ZNF174: variants seen among roughly 807,000 people sequenced by gnomAD.
The protein encoded by ZNF174 is zinc finger protein 174, also known as AW-1.
In ZNF174, 30 loss-of-function variants were observed where a neutral mutation model predicts 38.7. That is an observed-to-expected ratio of 0.78 (90% CI 0.58 to 1.05). ZNF174 has a LOEUF of 1.05. Among genes scored for constraint, ZNF174 ranks in the 50% least tolerant of loss-of-function variants. The pLI, the probability that ZNF174 is intolerant of heterozygous loss-of-function variation, is 0.00. For missense variants in ZNF174, 499 were observed against 495.6 expected (o/e 1.01, Z -0.06); for synonymous variants, 201 against 181.7 (o/e 1.11, Z -0.86).
chr16:3,405,387 GCTAGGAAGT>G (rs1171007668), intron 2 of ZNF174, among the ~76,000 whole-genome samples: 1 of 152,144 alleles, frequency 6.6e-6, no homozygotes, highest in Non-Finnish European at 1.5e-5. Context: ...AGTTCTAGAG[GCTAGGAAGT>G]CTGAGTTCAA....
In ZNF174 at chr16:3,402,326, C is replaced by G; in HGVS notation, c.322C>G (p.His108Asp). 1 of 1,614,106 alleles carries G rather than the reference C, an allele frequency of 6.2e-7. No homozygotes were observed. The highest frequency in any genetic ancestry group is 8.5e-7 in the Non-Finnish European group (1 of 1,180,020). ...CCCGGAGATCCAGGCTCGGGTCAGG[C>G]ATCGATGTCCAATGAGCAGCAAGGA... ...LPPEIQARVR[H>D]RCPMSSKEIV... Residue 108 changes from histidine (H) to aspartate (D), a missense_variant, in exon 1 of 3, where the codon CAT becomes GAT. By Grantham distance (81) the His-to-Asp change is moderately conservative (BLOSUM62 -1). Transcript: ENST00000268655.
At position 3,402,344 on chromosome 16, in the gene ZNF174, A is replaced by G. The variant is rs2033938452; in HGVS notation, c.340A>G (p.Ser114Gly). The change falls in exon 1 of 3, where the codon AGC becomes GGC. Residue 114 changes from serine to glycine, a missense_variant. Coordinates refer to ENST00000268655, the MANE Select transcript of ZNF174 (RefSeq NM_003450.3). ...ARVRHRCPMS[S>G]KEIVTLVEDF... The stretch of plus-strand genomic sequence containing the variant: ...GGTCAGGCATCGATGTCCAATGAGC[A>G]GCAAGGAGATTGTGACCCTCGTGGA... 1 of 1,614,142 alleles carries G rather than the reference A, an allele frequency of 6.2e-7. No homozygotes were observed. The highest frequency in any genetic ancestry group is 8.5e-7 in the Non-Finnish European group (1 of 1,180,024).
At chr16:3,403,001 C>T (rs1238533) in intron 1 of ZNF174, among the ~76,000 whole-genome samples, 4 of 152,140 alleles carry the variant, frequency 2.6e-5, no homozygotes, top group Non-Finnish European at 5.9e-5. Flanking sequence ...TAAATCCCTT[C>T]TGTCAGCTCT....
In ZNF174 at chr16:3,401,930, C is replaced by T; in HGVS notation, c.-75C>T. On this transcript the variant is annotated 5_prime_UTR_variant, in exon 1 of 3. Transcript: ENST00000268655. ...TCGTTTCTAGAATCTTTCTAGTATT[C>T]AGAGACTTCTCCAGGGTCATGATCC... is the stretch of plus-strand genomic sequence containing the variant. 6.5e-7 allele frequency: 1 copy of T among 1,539,384 alleles called. No individual in the cohort carries two copies. The highest frequency in any genetic ancestry group is 8.8e-7 in the Non-Finnish European group (1 of 1,142,516).
At position 3,408,535 on chromosome 16, in the gene ZNF174, C is replaced by T. The variant is rs963884349; in HGVS notation, c.840C>T (p.Cys280=). ...CATTTGCTCACTACCAGAGACATTGCAGGGTGGAATACATCAGCAGCCCCC... is the reference window on the plus strand; with the variant it reads ...CATTTGCTCACTACCAGAGACATTGTAGGGTGGAATACATCAGCAGCCCCC... ...QKPFAHYQRH[C]RVEYISSPLK... is the part of the protein sequence containing the mutation. Residue 280 remains cysteine (C), a synonymous_variant, in exon 3 of 3, where the codon TGC becomes TGT. Coordinates refer to ENST00000268655, the MANE Select transcript of ZNF174 (RefSeq NM_003450.3). 1 of 1,614,044 alleles carries T rather than the reference C, an allele frequency of 6.2e-7. No individual in the cohort carries two copies. Among genetic ancestry groups the T allele is most frequent in the African/African-American group, 1.3e-5 (1 of 74,906 alleles).
intron 1 of ZNF174, among the ~76,000 whole-genome samples, chr16:3,402,942 T>TA (rs1429111880): frequency 6.6e-6 from 1 of 152,106 alleles, no homozygotes; most frequent in Non-Finnish European, 1.5e-5. Context: ...CCAAGGTTCT[T>TA]ACCATTCCTT....
At chr16:3,405,740 C>T (rs2034046391) in intron 2 of ZNF174, among the ~76,000 whole-genome samples, 2 of 152,224 alleles carry the variant, frequency 1.3e-5, no homozygotes, top group Admixed American at 6.5e-5. Context: ...GGCACAGTGG[C>T]TCACGCCTGT....
rs1456597429 is a variant in ZNF174 at position 3,408,378 on chromosome 16, G to A, written c.683G>A (p.Gly228Glu). The part of the protein sequence containing the change: ...KENPQQEGAK[G>E]AKPCAVSAGR... ...AATCCACAACAGGAAGGGGCTAAAG[G>A]AGCAAAGCCATGTGCAGTGTCAGCT... Residue 228 changes from glycine to glutamate, a missense_variant, in exon 3 of 3, where the codon GGA becomes GAA. Gly to Glu is a moderately conservative substitution (Grantham distance 98, BLOSUM62 -2). Coordinates refer to ENST00000268655, the MANE Select transcript of ZNF174 (RefSeq NM_003450.3). 5.0e-6 allele frequency: 8 copies of A among 1,613,936 alleles called. No homozygotes were observed. The highest frequency in any genetic ancestry group is 6.8e-6 in the Non-Finnish European group (8 of 1,179,986).
intron 2 of ZNF174, among the ~76,000 whole-genome samples, 198 bp from the exon 3 acceptor site, chr16:3,408,123 C>T (rs1484877552): frequency 6.6e-6 from 1 of 152,080 alleles, no homozygotes; most frequent in Non-Finnish European, 1.5e-5. Context: ...TTATCAGGCC[C>T]AACCCCCCGA....
At position 3,409,035 on chromosome 16, in the gene ZNF174, G is replaced by A. The variant is rs749362393; in HGVS notation, c.*116G>A. On this transcript the variant is annotated 3_prime_UTR_variant, in exon 3 of 3. Transcript: ENST00000268655. ...TACAAGGAAAGCACGAGGCCCTTGAGGAATGATGATGCACATTCTGCTGTG... is the reference window on the plus strand; with the variant it reads ...TACAAGGAAAGCACGAGGCCCTTGAAGAATGATGATGCACATTCTGCTGTG... The A allele has an allele frequency of 2.1e-4, 239 of 1,147,150 alleles. 1 individual carries two copies. Among genetic ancestry groups the A allele is most frequent in the Non-Finnish European group, 2.9e-4 (232 of 810,210 alleles). The allele number at this position is 1,147,150 out of a possible 1,614,324, so 71.1% of individuals were successfully genotyped here.
At chr16:3,407,420 C>A (rs1041314227) in intron 2 of ZNF174, among the ~76,000 whole-genome samples, 1 of 152,140 alleles carries the variant, frequency 6.6e-6, no homozygotes. Context: ...AAAGACTATT[C>A]TTTTCCCATT....
intron 2 of ZNF174, among the ~76,000 whole-genome samples, chr16:3,406,730 TTTC>T (rs1179712643): frequency 6.6e-6 from 1 of 152,260 alleles, no homozygotes; most frequent in African/African-American, 2.4e-5. Context: ...GTTGTCTCAC[TTTC>T]TTGACAGTGT....
rs2034083911 is a variant in ZNF174, at chr16:3,408,480, G to A, written c.785G>A (p.Arg262Lys). ...ATGAGTGAACCTCGGTTGTCACGGA[G>A]GCAGGTCAGCTCCCCAAATGCTCAA... ...ANMSEPRLSRRQVSSPNAQKP... is the reference protein window; with the variant it reads ...ANMSEPRLSRKQVSSPNAQKP... The change falls in exon 3 of 3, where the codon AGG becomes AAG. Residue 262 changes from arginine (R) to lysine (K), a missense_variant. Physicochemically the swap from Arg to Lys is conservative, Grantham distance 26. Coordinates refer to ENST00000268655, the MANE Select transcript of ZNF174 (RefSeq NM_003450.3). The A allele has an allele frequency of 6.2e-7, 1 of 1,614,142 alleles. No individual in the cohort carries two copies. Among genetic ancestry groups the A allele is most frequent in the Non-Finnish European group, 8.5e-7 (1 of 1,180,040 alleles).
At chr16:3,407,949 TCTTC>T (rs1446400789) in intron 2 of ZNF174, among the ~76,000 whole-genome samples, 1 of 152,256 alleles carries the variant, frequency 6.6e-6, no homozygotes, top group East Asian at 1.9e-4. Flanking sequence ...ATTTCACCTC[TCTTC>T]CTTCTTCATT....
In ZNF174 at chr16:3,401,617, C is replaced by G. The variant is rs1233691882; in HGVS notation, c.-388C>G. 9.9e-6 allele frequency: 2 copies of G among 202,252 alleles called. No homozygotes were observed. Among genetic ancestry groups the G allele is most frequent in the East Asian group, 1.7e-4 (1 of 5,738 alleles). 12.5% of individuals were successfully genotyped at this position (202,252 alleles called of 1,614,324 possible). On this transcript the variant is annotated 5_prime_UTR_variant, in exon 1 of 3. Transcript: ENST00000268655. ...CGGGAGAGTTGGGGCAAGCTACCTG[C>G]GACAGCTTGAACTTTTCCTAGGGAT...
chr16:3,403,150 CTTTTTTTTTTTTTTTT>C (rs753071209), intron 1 of ZNF174, among the ~76,000 whole-genome samples: 51 of 30,968 alleles, frequency 1.6e-3, no homozygotes, highest in African/African-American at 6.2e-3. Context: ...AGCTTATAGT[CTTTTTTTTTTTTTTTT>C]TTTTTTTTTT....
chr16:3,403,150 C>CTTTTTTTTTTT lies in ZNF174; in HGVS notation c.402+771_402+781dup, dbSNP rs753071209. On this transcript the variant is annotated intron_variant, in intron 1 of 2. Transcript: ENST00000268655. ...GTCTTTCCAGTGTTTAGCTTATAGT[C>CTTTTTTTTTTT]TTTTTTTTTTTTTTTTTTTTTTTTT... 6.5e-5 allele frequency among the ~76,000 whole-genome samples: 2 copies of CTTTTTTTTTTT among 30,974 alleles called. 1 individual carries two copies. The highest frequency in any genetic ancestry group is 2.9e-4 in the African/African-American group (2 of 6,892). The allele number at this position is 30,974 out of a possible 152,430, so 20.3% of individuals were successfully genotyped here.
intron 1 of ZNF174, among the ~76,000 whole-genome samples, chr16:3,402,796 C>T (rs1220577271): frequency 4.6e-5 from 7 of 152,116 alleles, no homozygotes; most frequent in Admixed American, 3.9e-4. Flanking sequence ...GTATCTGGAT[C>T]TCTCCCTATT....
Position 3,409,269 on chromosome 16 carries a change from A to G in ZNF174, c.*350A>G, listed in dbSNP as rs1339044203. The stretch of plus-strand genomic sequence containing the variant: ...TTTATCCTCTAAAATATGTTAAGGG[A>G]TAAATTCTATATATATAGTTATGCA... On this transcript the variant is annotated 3_prime_UTR_variant, in exon 3 of 3. Transcript: ENST00000268655. 2 of 234,074 alleles carry G rather than the reference A, an allele frequency of 8.5e-6. No homozygotes were observed. Among genetic ancestry groups the G allele is most frequent in the Non-Finnish European group, 1.7e-5 (2 of 118,416 alleles). 14.5% of individuals were successfully genotyped at this position (234,074 alleles called of 1,614,324 possible).
Sources: allele counts gnomAD v4.1 joint callset (sites outside exome capture counted in the v4.1 genomes callset), GRCh38; gene constraint gnomAD v4.1.1; transcripts MANE v1.5; gene names NCBI Gene and HGNC (gene_info 2026-07-23, HGNC 2026-07-21).